Variants in COL23A1 observed in about 807,000 individuals in gnomAD.
The protein encoded by COL23A1 is collagen type XXIII alpha 1 chain.
In COL23A1, 97 loss-of-function variants were observed where a neutral mutation model predicts 99.3. That is an observed-to-expected ratio of 0.98 (90% CI 0.83 to 1.16). The LOEUF is 1.16. Ranked by LOEUF, COL23A1 falls within the 50% of genes most tolerant of loss-of-function variation. COL23A1 has a pLI of 0.00. For synonymous variants in COL23A1, 320 were observed against 308.2 expected (o/e 1.04, Z -0.40); for missense variants, 762 against 757.4 (o/e 1.01, Z -0.07).
intron 2 of COL23A1, among the ~76,000 whole-genome samples, chr5:178,320,271 T>C (rs1238398012): frequency 2.0e-5 from 3 of 152,138 alleles, no homozygotes; most frequent in African/African-American, 7.2e-5. Context: ...AGCCCCTGAG[T>C]GGGGCCATTA....
In COL23A1 at chr5:178,295,458, T is replaced by A. The variant is rs1346188384; in HGVS notation, c.407-5089A>T. ...AGGTTAAAATTACAATCATATCAGA[T>A]CAAAAAAATGAAAAAAATCTCATGA... is the stretch of plus-strand genomic sequence containing the variant. On this transcript the variant is annotated intron_variant, in intron 3 of 28. Coordinates refer to ENST00000390654, the MANE Select transcript of COL23A1 (RefSeq NM_173465.4). Among the ~76,000 whole-genome samples, 2 of 151,980 alleles carry A rather than the reference T, an allele frequency of 1.3e-5. 1 individual carries two copies. The highest frequency in any genetic ancestry group is 4.8e-5 in the African/African-American group (2 of 41,386).
intron 2 of COL23A1, among the ~76,000 whole-genome samples, chr5:178,440,718 C>T (rs989757868): frequency 2.0e-5 from 3 of 150,890 alleles, no homozygotes; most frequent in African/African-American, 7.3e-5. Flanking sequence ...CAGGTTCAAG[C>T]GATTCTCTTG....
chr5:178,403,628 G>A (rs1764591982), intron 2 of COL23A1, among the ~76,000 whole-genome samples: 1 of 152,174 alleles, frequency 6.6e-6, no homozygotes, highest in African/African-American at 2.4e-5. Context: ...TGAAATAAAG[G>A]CCAAGATCTT....
Position 178,238,953 on chromosome 5 carries a change from C to T in COL23A1, c.1620+188G>A, listed in dbSNP as rs185768350. Among the ~76,000 whole-genome samples the T allele has an allele frequency of 3.9e-3, 598 of 152,316 alleles. 11 individuals carry two copies. Among genetic ancestry groups the T allele is most frequent in the Admixed American group, 0.03 (452 of 15,302 alleles). On this transcript the variant is annotated intron_variant, in intron 28 of 28. Coordinates refer to ENST00000390654, the MANE Select transcript of COL23A1 (RefSeq NM_173465.4). ...ACCATCACCCAGGACCACAGCCCCA[C>T]GCCTCACATGCAAGATGGGAGAGTC...
chr5:178,398,323 T>C (rs977673833), intron 2 of COL23A1, among the ~76,000 whole-genome samples: 1 of 152,234 alleles, frequency 6.6e-6, no homozygotes, highest in Non-Finnish European at 1.5e-5. Flanking sequence ...AATTATTCTT[T>C]TTTTTATTTA....
At chr5:178,341,548 G>A (rs1299313159) in intron 2 of COL23A1, among the ~76,000 whole-genome samples, 1 of 152,226 alleles carries the variant, frequency 6.6e-6, no homozygotes, top group African/African-American at 2.4e-5. Flanking sequence ...GGACAAGGGT[G>A]GGGAGGCAGA....
At chr5:178,585,347 G>A (rs972057747) in intron 1 of COL23A1, among the ~76,000 whole-genome samples, 2 of 151,938 alleles carry the variant, frequency 1.3e-5, no homozygotes, top group African/African-American at 4.8e-5. Flanking sequence ...CTGACGCTCA[G>A]GTAACACTCT....
intron 2 of COL23A1, among the ~76,000 whole-genome samples, chr5:178,436,653 G>A (rs1022095921): frequency 6.6e-6 from 1 of 152,188 alleles, no homozygotes; most frequent in Non-Finnish European, 1.5e-5. Context: ...CAGCGGTGGT[G>A]ACCAGCTAAG....
intron 2 of COL23A1, among the ~76,000 whole-genome samples, chr5:178,409,023 T>C (rs72822874): frequency 0.14 from 12,150 of 86,762 alleles, 627 homozygotes; most frequent in Middle Eastern, 0.18. Context: ...CACACACACA[T>C]CATGTGGCTG....
intron 2 of COL23A1, among the ~76,000 whole-genome samples, chr5:178,499,600 G>A (rs1463748530): frequency 1.3e-5 from 2 of 152,226 alleles, no homozygotes; most frequent in Non-Finnish European, 1.5e-5. Flanking sequence ...ACAGCTAAGA[G>A]GAACCCAGGA....
At chr5:178,260,456 C>CT (rs1207666972) in intron 11 of COL23A1, among the ~76,000 whole-genome samples, 1 of 152,166 alleles carries the variant, frequency 6.6e-6, no homozygotes. Context: ...CTGATTCCAA[C>CT]TAGATGACAC....
At chr5:178,509,689 G>T (rs1264869814) in intron 2 of COL23A1, among the ~76,000 whole-genome samples, 1 of 152,058 alleles carries the variant, frequency 6.6e-6, no homozygotes, top group Non-Finnish European at 1.5e-5. Flanking sequence ...GTGGCCACAC[G>T]GCACTAACCA....
chr5:178,273,136 G>A (rs1756387967), intron 5 of COL23A1, among the ~76,000 whole-genome samples: 3 of 152,188 alleles, frequency 2.0e-5, no homozygotes, highest in East Asian at 1.9e-4. Context: ...CTGCAACCAA[G>A]GCCCCCTGGA....
intron 3 of COL23A1, among the ~76,000 whole-genome samples, chr5:178,298,600 C>T (rs1561838227): frequency 6.6e-6 from 1 of 152,224 alleles, no homozygotes; most frequent in Non-Finnish European, 1.5e-5. Flanking sequence ...AACTTCCCCT[C>T]TGCCTGTGAC....
At chr5:178,523,163 C>T (rs201116228) in intron 2 of COL23A1, among the ~76,000 whole-genome samples, 1,026 of 95,182 alleles carry the variant, frequency 0.011, 16 homozygotes, top group African/African-American at 0.031. Context: ...TATATATATA[C>T]ATATATATAT....
chr5:178,325,517 C>G (rs1286312041), intron 2 of COL23A1, among the ~76,000 whole-genome samples: 2 of 151,578 alleles, frequency 1.3e-5, no homozygotes, highest in East Asian at 3.9e-4. Flanking sequence ...AAAACTCCTA[C>G]TCATCCTACA....
At chr5:178,559,787 A>G (rs4976794) in intron 2 of COL23A1, among the ~76,000 whole-genome samples, 15,415 of 62,624 alleles carry the variant, frequency 0.25, 3,909 homozygotes, top group African/African-American at 0.5. Flanking sequence ...TTCCCTGCAC[A>G]TCGAGAAGTC....
chr5:178,539,400 A>G (rs1400569191), intron 2 of COL23A1, among the ~76,000 whole-genome samples: 1 of 152,050 alleles, frequency 6.6e-6, no homozygotes, highest in African/African-American at 2.4e-5. Context: ...CACAAAAATT[A>G]GCTGGGCATG....
intron 2 of COL23A1, among the ~76,000 whole-genome samples, chr5:178,432,212 C>G (rs1766300427): frequency 6.6e-6 from 1 of 152,156 alleles, no homozygotes; most frequent in Non-Finnish European, 1.5e-5. Context: ...AGGAAAAAGT[C>G]CTCACATTTA....
Sources: gnomAD v4.1 joint callset for allele counts (sites outside exome capture counted in the v4.1 genomes callset) on GRCh38, gnomAD v4.1.1 for gene constraint, MANE v1.5 for transcripts, NCBI Gene and HGNC (gene_info 2026-07-23, HGNC 2026-07-21) for gene names.